Variants in SMOC1 observed in about 807,000 individuals in gnomAD.
The protein encoded by SMOC1 is SPARC related modular calcium binding 1.
Under a neutral mutation model 56.3 loss-of-function variants are expected in SMOC1, and 22 were observed. The observed-to-expected ratio is 0.39, with a 90% CI of 0.28 to 0.56. The LOEUF is 0.56. Among genes scored for constraint, SMOC1 ranks in the 20% least tolerant of loss-of-function variants. The pLI, the probability that SMOC1 is intolerant of heterozygous loss-of-function variation, is 0.61. For synonymous variants in SMOC1, 193 were observed against 215.0 expected, an observed-to-expected ratio of 0.90 and a Z score of 0.89; for missense variants, 509 against 565.4, an observed-to-expected ratio of 0.90 and a Z score of 1.01.
chr14:69,901,404 G>A (rs1884238209), intron 1 of SMOC1, among the ~76,000 whole-genome samples: 1 of 152,202 alleles, frequency 6.6e-6, no homozygotes, highest in African/African-American at 2.4e-5. Context: ...TATTCTTGGG[G>A]ATGGAACTAT....
At chr14:69,943,771 A>G (rs1016897793) in intron 1 of SMOC1, among the ~76,000 whole-genome samples, 1 of 152,234 alleles carries the variant, frequency 6.6e-6, no homozygotes, top group African/African-American at 2.4e-5. Flanking sequence ...CAAACAAGAC[A>G]GAAAAACATC....
At chr14:69,979,064 G>C (rs1049565162) in intron 5 of SMOC1, among the ~76,000 whole-genome samples, 1 of 151,974 alleles carries the variant, frequency 6.6e-6, no homozygotes, top group Non-Finnish European at 1.5e-5. Context: ...CCTGCATCTA[G>C]GCCTTGGAAA....
At chr14:69,938,219 A>T (rs561550823) in intron 1 of SMOC1, among the ~76,000 whole-genome samples, 1 of 152,178 alleles carries the variant, frequency 6.6e-6, no homozygotes, top group Non-Finnish European at 1.5e-5. Flanking sequence ...TTACAGAGCC[A>T]TGACATACTC....
intron 1 of SMOC1, chr14:69,886,276 GC>G (rs1883808288): frequency 3.3e-6 from 2 of 613,600 alleles, no homozygotes; most frequent in Admixed American, 2.9e-5. Flanking sequence ...CACCAAGTTG[GC>G]CCTTTAGCAT....
chr14:69,946,446 C>T (rs1566683851), intron 1 of SMOC1, among the ~76,000 whole-genome samples: 1 of 152,160 alleles, frequency 6.6e-6, no homozygotes, highest in Non-Finnish European at 1.5e-5. Flanking sequence ...ATTATCCCAG[C>T]TCCTTTTGTT....
chr14:69,885,168 T>C (rs1208212409), intron 1 of SMOC1, among the ~76,000 whole-genome samples: 1 of 152,184 alleles, frequency 6.6e-6, no homozygotes, highest in Non-Finnish European at 1.5e-5. Flanking sequence ...ATCACTTGAT[T>C]CATCCTTCAA....
At chr14:69,980,770 G>T (rs140934240) in intron 5 of SMOC1, among the ~76,000 whole-genome samples, 4 of 152,234 alleles carry the variant, frequency 2.6e-5, no homozygotes, top group African/African-American at 9.6e-5. Flanking sequence ...CCTGAGGCCT[G>T]CTGCAAAGAG....
At chr14:69,958,587 G>A (rs1437252939) in intron 3 of SMOC1, among the ~76,000 whole-genome samples, 1 of 152,214 alleles carries the variant, frequency 6.6e-6, no homozygotes, top group Non-Finnish European at 1.5e-5. Context: ...TTCTATTGCA[G>A]TTTGGAAAGT....
intron 1 of SMOC1, among the ~76,000 whole-genome samples, chr14:69,884,167 A>C (rs1883730412): frequency 6.6e-6 from 1 of 151,918 alleles, no homozygotes; most frequent in Non-Finnish European, 1.5e-5. Context: ...CGGCCTCCCA[A>C]AGTGTTGGGA....
chr14:69,896,609 A>G (rs1388575536), intron 1 of SMOC1, among the ~76,000 whole-genome samples: 1 of 152,254 alleles, frequency 6.6e-6, no homozygotes, highest in East Asian at 1.9e-4. Context: ...CAATACATTG[A>G]AAATTTATAA....
intron 10 of SMOC1, among the ~76,000 whole-genome samples, chr14:70,013,907 G>A (rs551474321): frequency 6.6e-6 from 1 of 152,326 alleles, no homozygotes; most frequent in East Asian, 1.9e-4. Context: ...GGAACCAAAT[G>A]CCTTTTTGGC....
intron 5 of SMOC1, among the ~76,000 whole-genome samples, chr14:69,985,041 GA>G (rs58714036): frequency 0.32 from 43,953 of 136,430 alleles, 7,082 homozygotes; most frequent in African/African-American, 0.45. Flanking sequence ...CTCAAAAAAA[GA>G]AAAAAAAAAA....
At chr14:69,994,089 G>T in intron 6 of SMOC1, 1 of 432,084 alleles carries the variant, frequency 2.3e-6, no homozygotes, top group East Asian at 4.5e-5. Context: ...AGCTGAGAGG[G>T]ACTTGGCTTG....
Position 69,980,609 on chromosome 14 carries a change from T to C in SMOC1, c.526+2644T>C, listed in dbSNP as rs368296324. Among the ~76,000 whole-genome samples the C allele has an allele frequency of 2.6e-5, 4 of 152,228 alleles. No individual in the cohort carries two copies. In the East Asian group the frequency reaches 7.7e-4, roughly 29 times the overall value. Reference sequence around the variant, plus strand: ...ATGGGGACAGGGTGCGAGAGGGCATTAGTAATATCCTGTGTCGACTAGCCA... The same window carrying C: ...ATGGGGACAGGGTGCGAGAGGGCATCAGTAATATCCTGTGTCGACTAGCCA... On this transcript the variant is annotated intron_variant, in intron 5 of 11. Transcript: ENST00000361956.
intron 1 of SMOC1, among the ~76,000 whole-genome samples, chr14:69,943,676 T>C (rs948045084): frequency 2.0e-5 from 3 of 151,772 alleles, no homozygotes; most frequent in African/African-American, 2.4e-5. Context: ...AGAGTGGCTT[T>C]CCCCCCCCTT....
Position 69,885,935 on chromosome 14 carries a change from A to G in SMOC1, c.99+6158A>G, listed in dbSNP as rs531732573. ...AGGCACTTTCAGCCGCTTATAGAGG[A>G]TGGCTCTCTGCCGCTGCAACCTGAT... On this transcript the variant is annotated intron_variant, in intron 1 of 11. Coordinates refer to ENST00000361956, the MANE Select transcript of SMOC1 (RefSeq NM_001034852.3). The G allele has an allele frequency of 2.5e-6, 4 of 1,595,868 alleles. No homozygotes were observed. The East Asian group carries it at 8.9e-5, about 36-fold the overall frequency.
chr14:69,958,795 A>G (rs1883273569), intron 3 of SMOC1, among the ~76,000 whole-genome samples: 2 of 152,208 alleles, frequency 1.3e-5, no homozygotes, highest in Non-Finnish European at 2.9e-5. Context: ...AACAACCTAA[A>G]TATCCAATAC....
intron 7 of SMOC1, among the ~76,000 whole-genome samples, chr14:70,005,876 C>T (rs1410638567): frequency 2.6e-5 from 4 of 152,126 alleles, no homozygotes; most frequent in African/African-American, 9.7e-5. Context: ...ATGGTCCTGG[C>T]CCATTCTCAT....
chr14:69,946,037 G>T (rs556631439), intron 1 of SMOC1, among the ~76,000 whole-genome samples: 35 of 152,358 alleles, frequency 2.3e-4, no homozygotes, highest in African/African-American at 8.4e-4. Context: ...TCTCCTCCCA[G>T]ATGGAACCTT....
Sources: gnomAD v4.1 joint callset for allele counts (sites outside exome capture counted in the v4.1 genomes callset) on GRCh38, gnomAD v4.1.1 for gene constraint, MANE v1.5 for transcripts, NCBI Gene and HGNC (gene_info 2026-07-23, HGNC 2026-07-21) for gene names.